Variants in GPX2 observed in about 807,000 individuals in gnomAD.
The protein encoded by GPX2 is glutathione peroxidase 2.
A neutral mutation model predicts 14.1 loss-of-function variants in GPX2; 21 were observed. The ratio of observed to expected loss-of-function variants is 1.48; its 90% CI spans 1.05 to 2.14. The LOEUF is 2.14. Ranked by LOEUF, GPX2 falls within the 30% of genes most tolerant of loss-of-function variation. The probability of loss-of-function intolerance (pLI) is 0.00; values close to 1 mark genes in which losing one functional copy is unlikely to be tolerated. For missense variants in GPX2, 241 were observed against 249.8 expected, an observed-to-expected ratio of 0.96 and a Z score of 0.24; for synonymous variants, 94 against 95.2, an observed-to-expected ratio of 0.99 and a Z score of 0.07.
chr14:64,942,709 C>G lies in GPX2; in HGVS notation c.18G>C (p.Lys6Asn). Residue 6 changes from lysine (K) to asparagine (N), a missense_variant, in exon 1 of 2, where the codon AAG becomes AAC. Lys to Asn is a moderately conservative substitution (Grantham distance 94). Coordinates refer to ENST00000389614, the MANE Select transcript of GPX2 (RefSeq NM_002083.4). ...TGATGGCACTGAGGTCATAGAAGGA[C>G]TTGGCAATGAAAGCCATGGTGAAGC... MAFIA[K>N]SFYDLSAISL... is the part of the protein sequence containing the mutation. 1.2e-6 allele frequency: 2 copies of G among 1,614,044 alleles called. No homozygotes were observed. The highest frequency in any genetic ancestry group is 1.7e-6 in the Non-Finnish European group (2 of 1,179,956).
chr14:64,941,487 A>G (rs1372221556), intron 1 of GPX2: 4 of 1,288,712 alleles, frequency 3.1e-6, no homozygotes, highest in Non-Finnish European at 4.0e-6. Flanking sequence ...GGCTGGAGGG[A>G]CATCTCGAAA....
Position 64,939,478 on chromosome 14 carries a change from C to A in GPX2, c.*10G>T. On this transcript the variant is annotated 3_prime_UTR_variant, in exon 2 of 2. Transcript: ENST00000389614. This position sits in a 1 kb window ranked among gnomAD's most constrained non-coding sequence, Gnocchi z 5.7. ...TGGAGTAGGAGATCTGTGTGTTGAG[C>A]AGTTCACATCTATATGGCAACTTTA... 6.2e-7 allele frequency: 1 copy of A among 1,600,308 alleles called. No homozygotes were observed. Among genetic ancestry groups the A allele is most frequent in the Non-Finnish European group, 8.6e-7 (1 of 1,169,094 alleles).
chr14:64,940,313 A>C lies in GPX2; in HGVS notation c.223-475T>G. 1 of 551,824 alleles carries C rather than the reference A, an allele frequency of 1.8e-6. No individual in the cohort carries two copies. 34.2% of individuals were successfully genotyped at this position (551,824 alleles called of 1,614,324 possible). A position where few individuals can be genotyped will look rare whatever the true frequency, so the allele number is the denominator to read the frequency against. On this transcript the variant is annotated intron_variant, in intron 1 of 1. Coordinates refer to ENST00000389614, the MANE Select transcript of GPX2 (RefSeq NM_002083.4). This position sits in a 1 kb window ranked among gnomAD's most constrained non-coding sequence, Gnocchi z 4.5. ...CCCATAAATCCATACCTACACACAC[A>C]CCCCTTTCCTTTCCTCTGCCCTGGT...
intron 1 of GPX2, chr14:64,941,287 T>C: frequency 1.0e-6 from 1 of 1,002,308 alleles, no homozygotes; most frequent in Non-Finnish European, 1.3e-6. Context: ...AGGCTAATCT[T>C]GAACTCCTGA....
chr14:64,940,186 AC>A lies in GPX2; in HGVS notation c.223-349del. On this transcript the variant is annotated intron_variant, in intron 1 of 1. Transcript: ENST00000389614. The surrounding 1 kb of genome is among the most constrained non-coding windows in gnomAD (Gnocchi z 4.5). ...GAGCTGTTGCTTTTGTCTCCAGTCT[AC>A]CCTGAGCAGTTCTTAAGGTGTTTGA... is the stretch of plus-strand genomic sequence containing the variant. 7.6e-7 allele frequency: 1 copy of A among 1,320,218 alleles called. No homozygotes were observed. The highest frequency in any genetic ancestry group is 9.9e-7 in the Non-Finnish European group (1 of 1,009,996). 81.8% of individuals were successfully genotyped at this position (1,320,218 alleles called of 1,614,324 possible).
In GPX2 at chr14:64,939,984, G is replaced by A. The variant is rs75825034; in HGVS notation, c.223-146C>T. 1.0e-4 allele frequency: 154 copies of A among 1,470,324 alleles called. 1 individual carries two copies. In the African/African-American group the frequency reaches 2.1e-3, roughly 20 times the overall value. 91.1% of individuals were successfully genotyped at this position (1,470,324 alleles called of 1,614,324 possible). On this transcript the variant is annotated intron_variant, in intron 1 of 1. Coordinates refer to ENST00000389614, the MANE Select transcript of GPX2 (RefSeq NM_002083.4). This position sits in a 1 kb window ranked among gnomAD's most constrained non-coding sequence, Gnocchi z 5.7. The stretch of plus-strand genomic sequence containing the variant: ...GAGAGAGAGACAAGACAGACGAGGT[G>A]TTGCTCACTGCAGCCTTGAACTTCT...
chr14:64,939,467 T>C lies in GPX2; in HGVS notation c.*21A>G. The stretch of plus-strand genomic sequence containing the variant: ...TCAGGACTGGATGGAGTAGGAGATC[T>C]GTGTGTTGAGCAGTTCACATCTATA... On this transcript the variant is annotated 3_prime_UTR_variant, in exon 2 of 2. Coordinates refer to ENST00000389614, the MANE Select transcript of GPX2 (RefSeq NM_002083.4). This position sits in a 1 kb window ranked among gnomAD's most constrained non-coding sequence, Gnocchi z 5.7. 1 of 1,581,796 alleles carries C rather than the reference T, an allele frequency of 6.3e-7. No individual in the cohort carries two copies. Among genetic ancestry groups the C allele is most frequent in the Non-Finnish European group, 8.7e-7 (1 of 1,153,986 alleles).
In GPX2 at chr14:64,939,954, T is replaced by C; in HGVS notation, c.223-116A>G. On this transcript the variant is annotated intron_variant, in intron 1 of 1. Transcript: ENST00000389614. This position sits in a 1 kb window ranked among gnomAD's most constrained non-coding sequence, Gnocchi z 5.7. ...TCCCCAGGGTCATTCTTTTTCACTG[T>C]GAAAGAGAGAGAGACAAGACAGACG... 1 of 1,434,952 alleles carries C rather than the reference T, an allele frequency of 7.0e-7. No individual in the cohort carries two copies. The highest frequency in any genetic ancestry group is 9.1e-7 in the Non-Finnish European group (1 of 1,100,038). The allele number at this position is 1,434,952 out of a possible 1,614,324, so 88.9% of individuals were successfully genotyped here.
chr14:64,942,012 G>C (rs1178997296), intron 1 of GPX2, among the ~76,000 whole-genome samples: 3 of 152,150 alleles, frequency 2.0e-5, no homozygotes, highest in Non-Finnish European at 4.4e-5. Flanking sequence ...AATCCTATGA[G>C]CTAAGTGGTA....
intron 1 of GPX2, among the ~76,000 whole-genome samples, chr14:64,941,134 A>G (rs1466416189): frequency 6.6e-6 from 1 of 152,090 alleles, no homozygotes; most frequent in Non-Finnish European, 1.5e-5. Context: ...TGGCACAATC[A>G]TAGCTCACTG....
chr14:64,939,909 T>G lies in GPX2; in HGVS notation c.223-71A>C, dbSNP rs1885533353. The G allele has an allele frequency of 6.5e-7, 1 of 1,547,242 alleles. No individual in the cohort carries two copies. The highest frequency in any genetic ancestry group is 1.9e-5 in the Admixed American group (1 of 53,288). ...GAGAAAGATCCACAACATGAAACTC[T>G]TTCACCCTCCTACACTCCCTCCCCA... On this transcript the variant is annotated intron_variant, in intron 1 of 1. Transcript: ENST00000389614. The surrounding 1 kb of genome is among the most constrained non-coding windows in gnomAD (Gnocchi z 5.7).
Position 64,939,293 on chromosome 14 carries a change from C to G in GPX2, c.*195G>C. 1.7e-6 allele frequency: 1 copy of G among 594,758 alleles called. No individual in the cohort carries two copies. The highest frequency in any genetic ancestry group is 2.0e-5 in the South Asian group (1 of 49,888). The allele number at this position is 594,758 out of a possible 1,614,324, so 36.8% of individuals were successfully genotyped here. A position where few individuals can be genotyped will look rare whatever the true frequency, so the allele number is the denominator to read the frequency against. ...CCCAGAGCTTACCCAAGTCTTGGAG[C>G]CCAAGTTGAATCACCAACCAGAGGG... On this transcript the variant is annotated 3_prime_UTR_variant, in exon 2 of 2. Transcript: ENST00000389614. This position sits in a 1 kb window ranked among gnomAD's most constrained non-coding sequence, Gnocchi z 5.7.
chr14:64,942,488 A>C lies in GPX2; in HGVS notation c.222+17T>G. On this transcript the variant is annotated intron_variant, in intron 1 of 1. Transcript: ENST00000389614. The stretch of plus-strand genomic sequence containing the variant: ...CAACCCAACACTTTTGGTGCATTAC[A>C]AGGAGGGACCCCTCACCTGATGTCC... 6.2e-7 allele frequency: 1 copy of C among 1,606,782 alleles called. No individual in the cohort carries two copies. The highest frequency in any genetic ancestry group is 1.3e-5 in the African/African-American group (1 of 74,914).
In GPX2 at chr14:64,940,030, C is replaced by T. The variant is rs1017296799; in HGVS notation, c.223-192G>A. 2.0e-6 allele frequency: 3 copies of T among 1,478,806 alleles called. No individual in the cohort carries two copies. The highest frequency in any genetic ancestry group is 1.3e-5 in the South Asian group (1 of 75,552). The allele number at this position is 1,478,806 out of a possible 1,614,324, so 91.6% of individuals were successfully genotyped here. ...CTTCTGGGCTCAAGCATTCCTCCTG[C>T]TTCAGCCTCTTTAGTAGCTGAGACT... is the stretch of plus-strand genomic sequence containing the variant. On this transcript the variant is annotated intron_variant, in intron 1 of 1. Transcript: ENST00000389614. This position sits in a 1 kb window ranked among gnomAD's most constrained non-coding sequence, Gnocchi z 4.5.
chr14:64,941,724 A>G (rs1157328526), intron 1 of GPX2, among the ~76,000 whole-genome samples: 1 of 152,188 alleles, frequency 6.6e-6, no homozygotes, highest in African/African-American at 2.4e-5. Flanking sequence ...GTACGTTAAA[A>G]TCATAGGTGG....
rs980157030 is a variant in GPX2, at chr14:64,940,460, T to G, written c.223-622A>C. 2.6e-5 allele frequency among the ~76,000 whole-genome samples: 4 copies of G among 152,212 alleles called. No individual in the cohort carries two copies. Among genetic ancestry groups the G allele is most frequent in the African/African-American group, 7.2e-5 (3 of 41,448 alleles). On this transcript the variant is annotated intron_variant, in intron 1 of 1. Transcript: ENST00000389614. This position sits in a 1 kb window ranked among gnomAD's most constrained non-coding sequence, Gnocchi z 4.5. ...GAATGGGATTTACAGCTTCTTGCTT[T>G]CTTCTTGCCTTGTCCTAGAACTGAA... is the stretch of plus-strand genomic sequence containing the variant.
chr14:64,942,372 A>G (rs780585192), intron 1 of GPX2, 133 bp downstream of exon 1: 107 of 685,174 alleles, frequency 1.6e-4, no homozygotes, highest in Non-Finnish European at 2.4e-4. Flanking sequence ...ACATGCACCT[A>G]AAGACCTAGC....
chr14:64,941,432 A>G (rs1193890336), intron 1 of GPX2: 4 of 1,288,080 alleles, frequency 3.1e-6, no homozygotes, highest in Non-Finnish European at 2.0e-6. Context: ...CCCTCCAGCA[A>G]CTTGCTAGGC....
rs199763541 is a variant in GPX2, at chr14:64,942,581, T to A, written c.146A>T (p.Gln49Leu). The change falls in exon 1 of 2, where the codon CAG becomes CTG. Residue 49 changes from glutamine (Q) to leucine (L), a missense_variant. Gln to Leu is a moderately radical substitution (Grantham distance 113, BLOSUM62 -2). Transcript: ENST00000389614. Reference sequence around the variant, plus strand: ...AAAGCGGCATTGCAGCTCGTTGAGCTGGGTGAAGTCCCGGGTGGTTGTGCC... The same window carrying A: ...AAAGCGGCATTGCAGCTCGTTGAGCAGGGTGAAGTCCCGGGTGGTTGTGCC... Reference protein sequence around the residue: ...LUGTTTRDFTQLNELQCRFPR... With the variant: ...LUGTTTRDFTLLNELQCRFPR... The A allele has an allele frequency of 2.0e-4, 324 of 1,614,062 alleles. 1 individual carries two copies. The highest frequency in any genetic ancestry group is 2.6e-4 in the Non-Finnish European group (310 of 1,180,044).
Sources: gnomAD v4.1 joint callset for allele counts (sites outside exome capture counted in the v4.1 genomes callset) on GRCh38, gnomAD v4.1.1 for gene constraint, Gnocchi (gnomAD v3.1) non-coding constraint, MANE v1.5 for transcripts, NCBI Gene and HGNC (gene_info 2026-07-23, HGNC 2026-07-21) for gene names.